The following MUC22 variants were observed in gnomAD, a reference collection of about 807,000 sequenced individuals.
MUC22 encodes mucin 22, also known as mucin-22.
In MUC22, 24 loss-of-function variants were observed where a neutral mutation model predicts 40.3. The ratio of observed to expected loss-of-function variants is 0.60; its 90% CI spans 0.43 to 0.84. The LOEUF (loss-of-function observed/expected upper bound fraction) is 0.84, where lower values mean the gene tolerates loss of function less well. Ranked by LOEUF, MUC22 falls within the 40% of genes least tolerant of loss-of-function variation. The probability of loss-of-function intolerance (pLI) is 0.00; values close to 1 mark genes in which losing one functional copy is unlikely to be tolerated. For synonymous variants in MUC22, 765 were observed against 844.5 expected (o/e 0.91, Z 1.63); for missense variants, 1,926 against 2,130.7 (o/e 0.90, Z 1.89).
At chr6:31,019,690 C>T (rs1764527131) in intron 1 of MUC22, among the ~76,000 whole-genome samples, 1 of 152,170 alleles carries the variant, frequency 6.6e-6, no homozygotes, top group African/African-American at 2.4e-5. Flanking sequence ...TCTGTTTCTA[C>T]TAGAAATACA....
rs1319542841 is a variant in MUC22, at chr6:31,027,230, C to G, written c.1799C>G (p.Thr600Ser). ...GGCTCTGAGACCACCACAGTCTCTA[C>G]CACAGGCTCTGAGACCACCACAGCC... Residue 600 changes from threonine to serine, a missense_variant, in exon 2 of 4, where the codon ACC (threonine) becomes AGC (serine). Thr to Ser is a moderately conservative substitution (Grantham distance 58). This residue lies in a region of MUC22 where 1,281 missense variants were observed against 1,337.8 expected (regional missense o/e 0.96). Transcript: ENST00000561890. The G allele has an allele frequency of 3.3e-6, 5 of 1,502,010 alleles. 1 individual carries two copies. Among genetic ancestry groups the G allele is most frequent in the East Asian group, 5.0e-5 (2 of 40,134 alleles). The allele number at this position is 1,502,010 out of a possible 1,614,324, so 93.0% of individuals were successfully genotyped here. A position where few individuals can be genotyped will look rare whatever the true frequency, so the allele number is the denominator to read the frequency against.
chr6:31,021,966 C>T (rs9501346), intron 1 of MUC22, among the ~76,000 whole-genome samples: 16,727 of 152,046 alleles, frequency 0.11, 1,214 homozygotes, highest in East Asian at 0.33. Context: ...AGGTCTGCAG[C>T]TTCACTCCTG....
At chr6:31,019,194 G>T (rs1036412175) in intron 1 of MUC22, among the ~76,000 whole-genome samples, 1 of 152,116 alleles carries the variant, frequency 6.6e-6, no homozygotes, top group Non-Finnish European at 1.5e-5. Flanking sequence ...CCAACTCTGC[G>T]TAAGCCCCAA....
At chr6:31,015,782 G>A (rs1764153645) in intron 1 of MUC22, among the ~76,000 whole-genome samples, 1 of 152,180 alleles carries the variant, frequency 6.6e-6, no homozygotes, top group Admixed American at 6.5e-5. Flanking sequence ...ATGATATGGT[G>A]TCATAGTATG....
chr6:31,027,171 T>C lies in MUC22; in HGVS notation c.1740T>C (p.Ala580=), dbSNP rs750711988. 40 of 1,490,772 alleles carry C rather than the reference T, an allele frequency of 2.7e-5. 1 individual carries two copies. The African/African-American group carries it at 5.2e-4, about 19-fold the overall frequency. The allele number at this position is 1,490,772 out of a possible 1,614,324, so 92.3% of individuals were successfully genotyped here. A position where few individuals can be genotyped will look rare whatever the true frequency, so the allele number is the denominator to read the frequency against. Residue 580 remains alanine (A), a synonymous_variant, in exon 2 of 4, where the codon GCT becomes GCC. Coordinates refer to ENST00000561890, the Ensembl canonical transcript of MUC22. ...GCTCTGAGGTGACCACAGTCTTTGC[T>C]GCAGGCTCTGAGACAATCAGAGCCT...
chr6:31,029,360 C>T, exon 2 of MUC22: 2 of 1,535,206 alleles, frequency 1.3e-6, no homozygotes, highest in Non-Finnish European at 1.7e-6. Flanking sequence ...ACCACCTCTA[C>T]TGAAGGCTCT....
chr6:31,026,448 A>G, exon 2 of MUC22: 1 of 1,505,636 alleles, frequency 6.6e-7, no homozygotes, highest in Non-Finnish European at 8.9e-7. Context: ...GGACCACCAC[A>G]GCTTCTATGG....
intron 1 of MUC22, among the ~76,000 whole-genome samples, chr6:31,023,627 C>T (rs115048639): frequency 0.021 from 3,251 of 152,236 alleles, 54 homozygotes; most frequent in Admixed American, 0.039. Context: ...CAGAGATTGA[C>T]ACATTGGTTA....
chr6:31,008,111 T>C (rs2150734005), upstream of MUC22, among the ~76,000 whole-genome samples: 1 of 152,320 alleles, frequency 6.6e-6, no homozygotes, highest in South Asian at 2.1e-4. Flanking sequence ...AGACTCAAAG[T>C]CCTGTTTGGA....
chr6:31,028,126 T>C, exon 2 of MUC22: 1 of 1,533,390 alleles, frequency 6.5e-7, no homozygotes, highest in South Asian at 1.2e-5. Context: ...CACTACAGTC[T>C]CCACCACAGA....
intron 1 of MUC22, among the ~76,000 whole-genome samples, chr6:31,017,923 C>T (rs1024985952): frequency 1.3e-5 from 2 of 152,184 alleles, no homozygotes; most frequent in South Asian, 2.1e-4. Context: ...CTCTTTGAGT[C>T]CACACTGCGT....
intron 1 of MUC22, among the ~76,000 whole-genome samples, chr6:31,016,892 G>A (rs910136818): frequency 6.6e-6 from 1 of 152,216 alleles, no homozygotes; most frequent in South Asian, 2.1e-4. Context: ...TCTGAGCCTC[G>A]GGCTGGCGTG....
chr6:31,013,742 C>A (rs1425959067), intron 1 of MUC22, among the ~76,000 whole-genome samples: 1 of 152,202 alleles, frequency 6.6e-6, no homozygotes, highest in Non-Finnish European at 1.5e-5. Flanking sequence ...TAGCTCACTG[C>A]AGCCTGGTAC....
intron 1 of MUC22, among the ~76,000 whole-genome samples, chr6:31,022,329 T>C (rs1026342665): frequency 1.3e-5 from 2 of 152,204 alleles, no homozygotes; most frequent in African/African-American, 4.8e-5. Flanking sequence ...CATGCCTGGC[T>C]AATTTTGTAT....
chr6:31,027,666 C>A, exon 2 of MUC22: 1 of 1,531,198 alleles, frequency 6.5e-7, no homozygotes, highest in Non-Finnish European at 8.7e-7. Context: ...GCTTGGAGAC[C>A]ACCACAGTCT....
chr6:31,028,009 A>G (rs12526820), exon 2 of MUC22: 66,536 of 1,534,760 alleles, frequency 0.043, 4,918 homozygotes, highest in East Asian at 0.25. Flanking sequence ...CACAGCATCT[A>G]CTGCAGATTC....
exon 2 of MUC22, chr6:31,028,732 G>C (rs35464561): frequency 6.5e-7 from 1 of 1,527,788 alleles, no homozygotes; most frequent in South Asian, 1.2e-5. Flanking sequence ...CACCTCTACT[G>C]AAGGCTCTGA....
chr6:31,009,869 G>A (rs1763746916), upstream of MUC22, among the ~76,000 whole-genome samples: 1 of 152,174 alleles, frequency 6.6e-6, no homozygotes, highest in African/African-American at 2.4e-5. Context: ...GAAATGGGTA[G>A]TTCCGTGCCC....
At chr6:31,026,282 C>G (rs62399435) in exon 2 of MUC22, 87,689 of 1,456,458 alleles carry the variant, frequency 0.06, 6,290 homozygotes, top group Middle Eastern at 0.092. Flanking sequence ...CTGATTAAAG[C>G]CTCTGAGACC....
Sources: gnomAD v4.1 joint callset for allele counts (sites outside exome capture counted in the v4.1 genomes callset) on GRCh38, gnomAD v4.1.1 for gene constraint, gnomAD v4.1.1 regional missense constraint, MANE v1.5 for transcripts, NCBI Gene and HGNC (gene_info 2026-07-23, HGNC 2026-07-21) for gene names.